Variants in UPF1 observed in about 807,000 individuals in gnomAD.
UPF1 encodes the protein UPF1 RNA helicase and ATPase, also known as regulator of nonsense transcripts 1.
UPF1 carries 9 observed loss-of-function variants against 129.2 expected under a neutral mutation model. That is an observed-to-expected ratio of 0.07 (90% CI 0.04 to 0.12). The LOEUF (loss-of-function observed/expected upper bound fraction) is 0.12. UPF1 is among the 10% of genes least tolerant of loss of function. The probability of loss-of-function intolerance (pLI) is 1.00; values close to 1 mark genes in which losing one functional copy is unlikely to be tolerated. For synonymous variants in UPF1, 649 were observed against 644.9 expected (o/e 1.01, Z -0.10); for missense variants, 788 against 1,525.3 (o/e 0.52, Z 8.05).
intron 14 of UPF1, 139 bp downstream of exon 14, chr19:18,857,159 G>T: frequency 6.7e-7 from 1 of 1,495,934 alleles, no homozygotes; most frequent in African/African-American, 1.4e-5. Context: ...GGTTTATAGA[G>T]GGTGGGTTCT....
Position 18,851,013 on chromosome 19 carries a change from G to C in UPF1, c.810+145G>C. The C allele has an allele frequency of 9.4e-7, 1 of 1,059,998 alleles. No homozygotes were observed. Among genetic ancestry groups the C allele is most frequent in the Non-Finnish European group, 1.3e-6 (1 of 774,828 alleles). 65.7% of individuals were successfully genotyped at this position (1,059,998 alleles called of 1,614,324 possible). ...GGCAGACCTCTGCCACCTCTACGTGGAATGACCTCAGGGCACCTTGGTCAC... is the reference window on the plus strand; with the variant it reads ...GGCAGACCTCTGCCACCTCTACGTGCAATGACCTCAGGGCACCTTGGTCAC... On this transcript the variant is annotated intron_variant, in intron 5 of 23. Transcript: ENST00000262803. This position sits in a 1 kb window ranked among gnomAD's most constrained non-coding sequence, Gnocchi z 4.2.
rs2055524491 is a variant in UPF1 at position 18,839,974 on chromosome 19, G to C, written c.232-6006G>C. 2.6e-5 allele frequency among the ~76,000 whole-genome samples: 4 copies of C among 152,270 alleles called. No individual in the cohort carries two copies. In the East Asian group the frequency reaches 5.8e-4, roughly 22 times the overall value. ...GGCAGAGGGGTGGGCACAGCACTTT[G>C]CCTAGAAGGAGGGAGGGTGGATGTG... is the stretch of plus-strand genomic sequence containing the variant. On this transcript the variant is annotated intron_variant, in intron 1 of 23. Coordinates refer to ENST00000262803, the MANE Select transcript of UPF1 (RefSeq NM_002911.4).
intron 1 of UPF1, among the ~76,000 whole-genome samples, chr19:18,843,427 G>A (rs1047312313): frequency 7.2e-5 from 11 of 152,018 alleles, no homozygotes; most frequent in Non-Finnish European, 1.5e-4. Context: ...AGATGTCTGC[G>A]GCCTGAGAGT....
intron 1 of UPF1, among the ~76,000 whole-genome samples, chr19:18,837,599 C>A (rs1237742806): frequency 6.6e-6 from 1 of 152,220 alleles, no homozygotes; most frequent in African/African-American, 2.4e-5. Context: ...GTTTGAGTTG[C>A]TTTTCTTAGC....
intron 13 of UPF1, among the ~76,000 whole-genome samples, 164 bp from the exon 14 acceptor site, chr19:18,856,713 A>T (rs2055722302): frequency 1.3e-5 from 2 of 152,118 alleles, no homozygotes; most frequent in African/African-American, 4.8e-5. Flanking sequence ...GTTTGTAATC[A>T]CCACAGCCTG....
Position 18,865,835 on chromosome 19 carries a change from A to G in UPF1, c.3237+57A>G, listed in dbSNP as rs545728881. On this transcript the variant is annotated intron_variant, in intron 22 of 23. Transcript: ENST00000262803. This position sits in a 1 kb window ranked among gnomAD's most constrained non-coding sequence, Gnocchi z 6.1. The stretch of plus-strand genomic sequence containing the variant: ...AGTGAGGGTGGGGCTATGCACCTGA[A>G]ACATTCCCTCTGAAGAGCCCCAGAG... 2.1e-5 allele frequency: 33 copies of G among 1,604,216 alleles called. No individual in the cohort carries two copies. The African/African-American group carries it at 3.5e-4, about 17-fold the overall frequency.
Position 18,853,284 on chromosome 19 carries a change from C to T in UPF1, c.1090C>T (p.Leu364=), listed in dbSNP as rs2055679960. 1 of 1,613,264 alleles carries T rather than the reference C, an allele frequency of 6.2e-7. No homozygotes were observed. Among genetic ancestry groups the T allele is most frequent in the Non-Finnish European group, 8.5e-7 (1 of 1,179,560 alleles). ...GCTCATGCAGGGGGATGAGATATGC[C>T]TGCGGTACAAAGGGGACCTTGCGCC... ...MRLMQGDEIC[L]RYKGDLAPLW... Residue 364 remains leucine, a synonymous_variant, in exon 8 of 24, where the codon CTG becomes TTG. Transcript: ENST00000262803. The surrounding 1 kb of genome is among the most constrained non-coding windows in gnomAD (Gnocchi z 4.4).
chr19:18,847,162 C>T lies in UPF1; in HGVS notation c.372-582C>T, dbSNP rs112128404. ...ACTCATTCTCATTTACAGATGTTTT[C>T]GTGTATGTAATTGTGTTCTCTTAAC... On this transcript the variant is annotated intron_variant, in intron 2 of 23. Transcript: ENST00000262803. Among the ~76,000 whole-genome samples, 1,023 of 152,366 alleles carry T rather than the reference C, an allele frequency of 6.7e-3. 5 individuals are homozygous for T. Among genetic ancestry groups the T allele is most frequent in the Middle Eastern group, 0.014 (4 of 294 alleles).
chr19:18,858,850 C>T (rs758475394), intron 15 of UPF1, among the ~76,000 whole-genome samples: 1 of 152,220 alleles, frequency 6.6e-6, no homozygotes, highest in African/African-American at 2.4e-5. Flanking sequence ...TTTAAATTTC[C>T]AAGTTTAGAG....
In UPF1 at chr19:18,850,337, C is replaced by T. The variant is rs1263974736; in HGVS notation, c.629+95C>T. On this transcript the variant is annotated intron_variant, in intron 4 of 23. Coordinates refer to ENST00000262803, the MANE Select transcript of UPF1 (RefSeq NM_002911.4). This position sits in a 1 kb window ranked among gnomAD's most constrained non-coding sequence, Gnocchi z 7.1. ...CAGCCCAGCCCAGCCGTGGCTCTAA[C>T]TCCAGGGAGTTGTCCTCCAAAGATG... 2.7e-6 allele frequency: 4 copies of T among 1,468,508 alleles called. No individual in the cohort carries two copies. Among genetic ancestry groups the T allele is most frequent in the South Asian group, 2.8e-5 (2 of 72,516 alleles). 91.0% of individuals were successfully genotyped at this position (1,468,508 alleles called of 1,614,324 possible). A position where few individuals can be genotyped will look rare whatever the true frequency, so the allele number is the denominator to read the frequency against.
At position 18,858,155 on chromosome 19, in the gene UPF1, TGAAG is replaced by T. The variant is rs2055739044; in HGVS notation, c.2182+627_2182+630del. On this transcript the variant is annotated intron_variant, in intron 15 of 23. Transcript: ENST00000262803. ...TGACACCTTTGGGTATGCCGGCGCT[TGAAG>T]GAAGTCCTTGTGGACACACCCTGGG... Among the ~76,000 whole-genome samples the T allele has an allele frequency of 2.0e-5, 3 of 152,294 alleles. No individual in the cohort carries two copies. The South Asian group carries it at 6.2e-4, about 32-fold the overall frequency.
At position 18,856,978 on chromosome 19, in the gene UPF1, C is replaced by T. The variant is rs761833534; in HGVS notation, c.1926C>T (p.Thr642=). The change falls in exon 14 of 24, where the codon ACC becomes ACT. Residue 642 remains threonine (T), a synonymous_variant. Transcript: ENST00000262803. ...TAATCGACGAAAGCACCCAGGCCAC[C>T]GAGCCGGAGTGCATGGTTCCCGTGG... ...SILIDESTQA[T]EPECMVPVVL... The T allele has an allele frequency of 1.7e-5, 28 of 1,612,596 alleles. No individual in the cohort carries two copies. In the East Asian group the frequency reaches 2.5e-4, roughly 14 times the overall value.
Position 18,868,039 on chromosome 19 carries a change from G to T in UPF1, c.*1522G>T, listed in dbSNP as rs2055878361. On this transcript the variant is annotated 3_prime_UTR_variant, in exon 24 of 24. Transcript: ENST00000262803. ...CGCGGTGACCCCGCGGCGGCCTGAG[G>T]GACGCTCCCTGCCCCATCCCGGCTG... The T allele has an allele frequency of 6.3e-6, 1 of 158,450 alleles. No individual in the cohort carries two copies. The highest frequency in any genetic ancestry group is 1.4e-5 in the Non-Finnish European group (1 of 71,506). The allele number at this position is 158,450 out of a possible 1,614,324, so 9.8% of individuals were successfully genotyped here. A position where few individuals can be genotyped will look rare whatever the true frequency, so the allele number is the denominator to read the frequency against.
At chr19:18,863,028 T>C (rs1307758251) in intron 18 of UPF1, 1 of 166,794 alleles carries the variant, frequency 6.0e-6, no homozygotes, top group Non-Finnish European at 1.3e-5. Flanking sequence ...CCCTCTTGTT[T>C]GGTGGGCAGT....
At chr19:18,849,588 C>G (rs1485531882) in intron 3 of UPF1, 2 of 165,238 alleles carry the variant, frequency 1.2e-5, no homozygotes, top group African/African-American at 4.8e-5. Context: ...CAGTCGCCTG[C>G]TTATCAGATT....
At chr19:18,863,713 A>AGGGCTCTCCTAGGGGGGGGT in intron 19 of UPF1, 101 bp downstream of exon 19, 1 of 998,662 alleles carries the variant, frequency 1.0e-6, no homozygotes. Context: ...GAGCTGAGGG[A>AGGGCTCTCCTAGGGGGGGGT]GGGCTCTCCT....
At chr19:18,845,111 G>T (rs2055583719) in intron 1 of UPF1, among the ~76,000 whole-genome samples, 1 of 152,250 alleles carries the variant, frequency 6.6e-6, no homozygotes, top group Admixed American at 6.5e-5. Flanking sequence ...TGTCTGGGGT[G>T]CTGGGACTGG....
intron 16 of UPF1, 29 bp from the exon 17 acceptor site, chr19:18,860,797 G>T: frequency 1.9e-6 from 3 of 1,610,704 alleles, no homozygotes; most frequent in Non-Finnish European, 2.5e-6. Context: ...CACAGGTGGA[G>T]CCCAGCACTG....
chr19:18,849,761 C>T, intron 3 of UPF1: 1 of 341,286 alleles, frequency 2.9e-6, no homozygotes, highest in Non-Finnish European at 5.5e-6. Flanking sequence ...CACAGCAGCC[C>T]TGGGCCAACA....
Sources: gnomAD v4.1 joint callset for allele counts (sites outside exome capture counted in the v4.1 genomes callset) on GRCh38, gnomAD v4.1.1 for gene constraint, Gnocchi (gnomAD v3.1) non-coding constraint, MANE v1.5 for transcripts, NCBI Gene and HGNC (gene_info 2026-07-23, HGNC 2026-07-21) for gene names.